The following HACD2 variants were observed in gnomAD, a reference collection of about 807,000 sequenced individuals.
HACD2 encodes 3-hydroxyacyl-CoA dehydratase 2, also known as very-long-chain (3R)-3-hydroxyacyl-CoA dehydratase 2.
In HACD2, 15 loss-of-function variants were observed where a neutral mutation model predicts 31.0. The ratio of observed to expected loss-of-function variants is 0.48; its 90% CI spans 0.32 to 0.75. The LOEUF (loss-of-function observed/expected upper bound fraction) is 0.75, where lower values mean the gene tolerates loss of function less well. Ranked by LOEUF, HACD2 falls within the 30% of genes least tolerant of loss-of-function variation. The pLI is 0.03. For synonymous variants in HACD2, 115 were observed against 122.2 expected (o/e 0.94, Z 0.39); for missense variants, 283 against 313.0 (o/e 0.90, Z 0.72).
chr3:123,514,215 C>T (rs1398066001), intron 4 of HACD2, among the ~76,000 whole-genome samples: 1 of 152,110 alleles, frequency 6.6e-6, no homozygotes, highest in African/African-American at 2.4e-5. Flanking sequence ...GCAGAGGTTG[C>T]AGTGAGCCAA....
chr3:123,511,480 G>A (rs1425569094), intron 4 of HACD2, among the ~76,000 whole-genome samples: 1 of 152,168 alleles, frequency 6.6e-6, no homozygotes, highest in Non-Finnish European at 1.5e-5. Context: ...TGTTTACTTA[G>A]TGTCAAGAAA....
chr3:123,528,501 T>C, intron 3 of HACD2, 27 bp from the exon 4 acceptor site: 2 of 1,270,876 alleles, frequency 1.6e-6, no homozygotes, highest in Non-Finnish European at 1.2e-6. Context: ...GATGGATAAA[T>C]AAATGTACTG....
chr3:123,495,039 A>C, intron 6 of HACD2, 69 bp from the exon 7 acceptor site: 1 of 941,982 alleles, frequency 1.1e-6, no homozygotes, highest in Non-Finnish European at 1.6e-6. Context: ...AAAGCATATG[A>C]AGTTGAGGTC....
intron 3 of HACD2, among the ~76,000 whole-genome samples, chr3:123,546,129 T>C (rs1216900163): frequency 6.6e-6 from 1 of 152,200 alleles, no homozygotes; most frequent in Non-Finnish European, 1.5e-5. Context: ...TACAAGATCA[T>C]TATTGAGATT....
At chr3:123,495,085 C>A in intron 6 of HACD2, 115 bp from the exon 7 acceptor site, 5 of 656,838 alleles carry the variant, frequency 7.6e-6, no homozygotes, top group South Asian at 1.9e-5. Flanking sequence ...CATCCAGCAA[C>A]CAAGGAAGGT....
At chr3:123,519,120 T>C (rs1397025658) in intron 4 of HACD2, among the ~76,000 whole-genome samples, 2 of 151,844 alleles carry the variant, frequency 1.3e-5, no homozygotes, top group East Asian at 3.9e-4. Context: ...AACTCTTTAA[T>C]GTGGCAAGCC....
chr3:123,507,323 A>G (rs2055989377), intron 4 of HACD2, among the ~76,000 whole-genome samples: 1 of 152,218 alleles, frequency 6.6e-6, no homozygotes, highest in African/African-American at 2.4e-5. Flanking sequence ...ATAGAGTATT[A>G]GTCATAACTG....
chr3:123,526,265 T>C (rs1441302182), intron 4 of HACD2, among the ~76,000 whole-genome samples: 1 of 152,218 alleles, frequency 6.6e-6, no homozygotes, highest in African/African-American at 2.4e-5. Flanking sequence ...GTCGAAGACG[T>C]AGGGCAGGGA....
chr3:123,547,823 A>T (rs2056577376), intron 3 of HACD2, among the ~76,000 whole-genome samples: 3 of 152,046 alleles, frequency 2.0e-5, no homozygotes, highest in Non-Finnish European at 1.5e-5. Flanking sequence ...TCTATGCATC[A>T]GGCCCGGATC....
chr3:123,506,523 C>T (rs1458252469), intron 4 of HACD2, among the ~76,000 whole-genome samples: 1 of 152,154 alleles, frequency 6.6e-6, no homozygotes, highest in Non-Finnish European at 1.5e-5. Context: ...AGGACAGCCT[C>T]CTCAGGACTG....
intron 3 of HACD2, among the ~76,000 whole-genome samples, chr3:123,563,460 G>T (rs1338008518): frequency 6.6e-6 from 1 of 152,168 alleles, no homozygotes; most frequent in Non-Finnish European, 1.5e-5. Context: ...ACCAGCAAAA[G>T]GTTTTAAGTA....
chr3:123,583,929 T>C (rs1237389187), intron 1 of HACD2, among the ~76,000 whole-genome samples: 1 of 152,228 alleles, frequency 6.6e-6, no homozygotes. Context: ...ATACAATTCT[T>C]TCAACTCTTC....
At chr3:123,536,651 C>A (rs145757108) in intron 3 of HACD2, among the ~76,000 whole-genome samples, 1 of 152,162 alleles carries the variant, frequency 6.6e-6, no homozygotes, top group Non-Finnish European at 1.5e-5. Context: ...TAGTGAATGA[C>A]TAAAACTGAG....
rs1299318276 is a variant in HACD2 at position 123,582,954 on chromosome 3, A to G, written c.156-625T>C. 2.0e-5 allele frequency among the ~76,000 whole-genome samples: 3 copies of G among 152,234 alleles called. No homozygotes were observed. In the East Asian group the frequency reaches 5.8e-4, roughly 29 times the overall value. ...ACTTAAGCATACAGCTGTGAATGTT[A>G]TATTTTTGTTCCACTGTCCTTCTCA... On this transcript the variant is annotated intron_variant, in intron 1 of 6. Coordinates refer to ENST00000383657, the MANE Select transcript of HACD2 (RefSeq NM_198402.5).
intron 4 of HACD2, among the ~76,000 whole-genome samples, chr3:123,514,986 T>C (rs2056115315): frequency 6.6e-6 from 1 of 152,232 alleles, no homozygotes; most frequent in Admixed American, 6.5e-5. Context: ...AAAACAGTTA[T>C]ACAGAAATTT....
rs1205948746 is a variant in HACD2, at chr3:123,493,528, C to T, written c.*1360G>A. On this transcript the variant is annotated 3_prime_UTR_variant, in exon 7 of 7. Transcript: ENST00000383657. ...GGGGATGGGGGAGGAAAAAAGGCTC[C>T]ATGAAGAAGATACTGTGCTATTTAA... The T allele has an allele frequency of 2.0e-5, 3 of 152,222 alleles. No individual in the cohort carries two copies. The highest frequency in any genetic ancestry group is 7.2e-5 in the African/African-American group (3 of 41,446). 9.4% of individuals were successfully genotyped at this position (152,222 alleles called of 1,614,324 possible).
At chr3:123,547,804 T>C (rs1458598246) in intron 3 of HACD2, among the ~76,000 whole-genome samples, 1 of 152,126 alleles carries the variant, frequency 6.6e-6, no homozygotes, top group African/African-American at 2.4e-5. Flanking sequence ...TAACATCTAC[T>C]AAGAGCATTC....
intron 3 of HACD2, among the ~76,000 whole-genome samples, chr3:123,555,095 G>A (rs1205406196): frequency 6.6e-6 from 1 of 152,066 alleles, no homozygotes; most frequent in East Asian, 1.9e-4. Flanking sequence ...AATAGACATT[G>A]AATTTTATAC....
chr3:123,567,287 C>G (rs766969778), intron 3 of HACD2, among the ~76,000 whole-genome samples: 17 of 152,292 alleles, frequency 1.1e-4, no homozygotes, highest in Non-Finnish European at 1.9e-4. Flanking sequence ...AGTAGAAATC[C>G]CCTACATTTG....
Sources: allele counts gnomAD v4.1 joint callset (sites outside exome capture counted in the v4.1 genomes callset), GRCh38; gene constraint gnomAD v4.1.1; transcripts MANE v1.5; gene names NCBI Gene and HGNC (gene_info 2026-07-23, HGNC 2026-07-21).